Variants in DLC1 observed in about 807,000 individuals in gnomAD.
DLC1 encodes the protein rho GTPase-activating protein 7.
In DLC1, 54 loss-of-function variants were observed where a neutral mutation model predicts 140.3. The ratio of observed to expected loss-of-function variants is 0.38; its 90% CI spans 0.31 to 0.48. The LOEUF is 0.48. Ranked by LOEUF, DLC1 falls within the 20% of genes least tolerant of loss-of-function variation. The pLI is 0.96. For synonymous variants in DLC1, 986 were observed against 728.1 expected (o/e 1.35, Z -5.70); for missense variants, 2,536 against 1,907.0 (o/e 1.33, Z -6.14).
At chr8:13,453,437 T>C (rs1425428457) in intron 2 of DLC1, among the ~76,000 whole-genome samples, 1 of 36,010 alleles carries the variant, frequency 2.8e-5, no homozygotes, top group Non-Finnish European at 5.0e-5. Flanking sequence ...TATATATATA[T>C]GTATATATAT....
At chr8:13,263,020 G>A (rs1563207177) in intron 5 of DLC1, among the ~76,000 whole-genome samples, 1 of 152,140 alleles carries the variant, frequency 6.6e-6, no homozygotes, top group Non-Finnish European at 1.5e-5. Flanking sequence ...GCATTTAATA[G>A]AGTAGAATAA....
chr8:13,188,938 C>G (rs1003478545), intron 5 of DLC1, among the ~76,000 whole-genome samples: 1 of 148,150 alleles, frequency 6.7e-6, no homozygotes, highest in Non-Finnish European at 1.5e-5. Context: ...ATCCGCCCGC[C>G]TCGGCCTCCC....
At chr8:13,216,477 C>T (rs1828204471) in intron 5 of DLC1, among the ~76,000 whole-genome samples, 1 of 152,130 alleles carries the variant, frequency 6.6e-6, no homozygotes, top group South Asian at 2.1e-4. Context: ...TCTAGTTCCA[C>T]TCCTTGCCAC....
intron 7 of DLC1, among the ~76,000 whole-genome samples, chr8:13,103,654 C>T (rs896705740): frequency 6.6e-6 from 1 of 151,916 alleles, no homozygotes; most frequent in Non-Finnish European, 1.5e-5. Flanking sequence ...GCCTGTCCAA[C>T]ATGGCGAAAC....
intron 4 of DLC1, among the ~76,000 whole-genome samples, chr8:13,324,751 A>G (rs1014453458): frequency 6.6e-6 from 1 of 152,202 alleles, no homozygotes; most frequent in Non-Finnish European, 1.5e-5. Flanking sequence ...GTCTTGTTGC[A>G]TACCAAGCAG....
intron 1 of DLC1, among the ~76,000 whole-genome samples, chr8:13,596,091 CT>C (rs1363603411): frequency 6.6e-6 from 1 of 151,840 alleles, no homozygotes; most frequent in Admixed American, 6.6e-5. Context: ...TGGATTTGTT[CT>C]TTTGAGATGA....
At chr8:13,196,113 C>T (rs74544300) in intron 5 of DLC1, among the ~76,000 whole-genome samples, 7,222 of 151,872 alleles carry the variant, frequency 0.048, 199 homozygotes, top group Non-Finnish European at 0.066. Context: ...CACACACACA[C>T]ACACACACAC....
chr8:13,275,925 G>A (rs1374157685), intron 5 of DLC1, among the ~76,000 whole-genome samples: 1 of 152,112 alleles, frequency 6.6e-6, no homozygotes, highest in Non-Finnish European at 1.5e-5. Flanking sequence ...GGCTTTTGCA[G>A]CAGTTGTTCA....
chr8:13,202,663 A>T (rs1028254386), intron 5 of DLC1, among the ~76,000 whole-genome samples: 2 of 150,744 alleles, frequency 1.3e-5, no homozygotes, highest in African/African-American at 4.9e-5. Flanking sequence ...CCCACCTTTA[A>T]TTTTTTTTTA....
chr8:13,549,960 G>C (rs754482433), intron 1 of DLC1, among the ~76,000 whole-genome samples: 6 of 152,088 alleles, frequency 3.9e-5, no homozygotes, highest in Non-Finnish European at 5.9e-5. Flanking sequence ...GGAAATATTT[G>C]TTGTGCTTAT....
At chr8:13,189,092 C>A (rs1262088989) in intron 5 of DLC1, among the ~76,000 whole-genome samples, 1 of 151,750 alleles carries the variant, frequency 6.6e-6, no homozygotes, top group Non-Finnish European at 1.5e-5. Context: ...AACAAAGTTA[C>A]TTCAGTGGCA....
rs796331082 is a variant in DLC1 at position 13,191,549 on chromosome 8, G to C, written c.1349-75892C>G. 5.9e-5 allele frequency among the ~76,000 whole-genome samples: 9 copies of C among 152,336 alleles called. 1 individual carries two copies. Among genetic ancestry groups the C allele is most frequent in the African/African-American group, 2.2e-4 (9 of 41,584 alleles). On this transcript the variant is annotated intron_variant, in intron 5 of 17. Coordinates refer to ENST00000276297, the MANE Select transcript of DLC1 (RefSeq NM_182643.3). ...AGAACAGTAAGGAGGAGAAAGTAAAGTATGTGCCTGGTGGCGTGCACTGAA... is the reference window on the plus strand; with the variant it reads ...AGAACAGTAAGGAGGAGAAAGTAAACTATGTGCCTGGTGGCGTGCACTGAA...
At chr8:13,196,080 T>C (rs909207492) in intron 5 of DLC1, among the ~76,000 whole-genome samples, 12 of 142,740 alleles carry the variant, frequency 8.4e-5, no homozygotes, top group African/African-American at 3.2e-4. Flanking sequence ...ACCAATGCTC[T>C]ACATTCTGTA....
chr8:13,142,722 C>A lies in DLC1; in HGVS notation c.1349-27065G>T, dbSNP rs9644023. Reference sequence around the variant, plus strand: ...TAGGGAAAGAAAACTATTCTGAACCCATGTACCCCTAACAAAACCTCAAAA... The same window carrying A: ...TAGGGAAAGAAAACTATTCTGAACCAATGTACCCCTAACAAAACCTCAAAA... On this transcript the variant is annotated intron_variant, in intron 5 of 17. Transcript: ENST00000276297. 0.019 allele frequency among the ~76,000 whole-genome samples: 2,821 copies of A among 152,130 alleles called. 372 individuals are homozygous for A. In the East Asian group the frequency reaches 0.36, roughly 20 times the overall value.
intron 4 of DLC1, among the ~76,000 whole-genome samples, chr8:13,323,298 C>G (rs755475885): frequency 1.3e-5 from 2 of 152,168 alleles, no homozygotes; most frequent in Non-Finnish European, 2.9e-5. Context: ...ATCTGTAAAA[C>G]TATGACTCAA....
chr8:13,125,106 A>G (rs1046607611), intron 5 of DLC1, among the ~76,000 whole-genome samples: 1 of 151,958 alleles, frequency 6.6e-6, no homozygotes, highest in African/African-American at 2.4e-5. Flanking sequence ...CCTTCCAAGT[A>G]GCTGGGATTA....
intron 1 of DLC1, among the ~76,000 whole-genome samples, chr8:13,589,168 C>A (rs915005174): frequency 6.6e-5 from 10 of 152,212 alleles, no homozygotes; most frequent in African/African-American, 2.2e-4. Flanking sequence ...TCTGTCCAAA[C>A]AACAGGCTGT....
intron 5 of DLC1, among the ~76,000 whole-genome samples, chr8:13,139,993 C>T (rs1274444553): frequency 2.0e-5 from 3 of 152,090 alleles, no homozygotes; most frequent in South Asian, 2.1e-4. Flanking sequence ...TGACGATCAC[C>T]GTTATCCATC....
At chr8:13,559,904 A>G (rs1236864655) in intron 1 of DLC1, among the ~76,000 whole-genome samples, 1 of 147,258 alleles carries the variant, frequency 6.8e-6, no homozygotes, top group Non-Finnish European at 1.5e-5. Context: ...CCAAAGGCTG[A>G]TGGACTTAAC....
Sources: gnomAD v4.1 joint callset for allele counts (sites outside exome capture counted in the v4.1 genomes callset) on GRCh38, gnomAD v4.1.1 for gene constraint, MANE v1.5 for transcripts, NCBI Gene and HGNC (gene_info 2026-07-23, HGNC 2026-07-21) for gene names.